The following PLEKHG1 variants were observed in gnomAD, a reference collection of about 807,000 sequenced individuals.
PLEKHG1 encodes the protein pleckstrin homology domain-containing family G member 1.
A neutral mutation model predicts 100.8 loss-of-function variants in PLEKHG1; 44 were observed. The ratio of observed to expected loss-of-function variants is 0.44; its 90% CI spans 0.34 to 0.56. The LOEUF is 0.56. Among genes scored for constraint, PLEKHG1 ranks in the 20% least tolerant of loss-of-function variants. The pLI, the probability that PLEKHG1 is intolerant of heterozygous loss-of-function variation, is 0.01. For missense variants in PLEKHG1, 1,545 were observed against 1,720.9 expected (o/e 0.90, Z 1.81); for synonymous variants, 640 against 662.5 (o/e 0.97, Z 0.52).
intron 1 of PLEKHG1, among the ~76,000 whole-genome samples, chr6:150,618,017 C>T (rs1777141452): frequency 6.6e-6 from 1 of 152,180 alleles, no homozygotes; most frequent in African/African-American, 2.4e-5. Context: ...ATTACATATA[C>T]ACACATATAC....
chr6:150,637,338 T>C (rs1778046324), intron 1 of PLEKHG1, among the ~76,000 whole-genome samples: 2 of 152,022 alleles, frequency 1.3e-5, no homozygotes, highest in Non-Finnish European at 2.9e-5. Context: ...ATTTCTCTGC[T>C]TTGGGGTTAT....
exon 10 of PLEKHG1, chr6:150,809,709 A>G (rs1787373026): frequency 1.2e-6 from 2 of 1,613,950 alleles, no homozygotes; most frequent in Non-Finnish European, 8.5e-7. Context: ...ATTCTGGAGA[A>G]CCATGCAGCC....
intron 15 of PLEKHG1, among the ~76,000 whole-genome samples, chr6:150,836,611 G>A (rs1583225231): frequency 2.0e-5 from 3 of 151,494 alleles, no homozygotes; most frequent in Non-Finnish European, 2.9e-5. Context: ...GAGCTCAGGA[G>A]TTTGTGACCA....
chr6:150,765,113 C>T (rs964210347), intron 2 of PLEKHG1, among the ~76,000 whole-genome samples: 7 of 152,188 alleles, frequency 4.6e-5, no homozygotes, highest in South Asian at 2.1e-4. Context: ...GGCATCCCAA[C>T]GTAATACATG....
chr6:150,819,795 A>C, intron 12 of PLEKHG1, 21 bp downstream of exon 13: 1 of 1,359,722 alleles, frequency 7.4e-7, no homozygotes, highest in Non-Finnish European at 1.1e-6. Context: ...TGTTGTCATA[A>C]AAATTTAATT....
chr6:150,704,658 G>A (rs1017859169), intron 3 of PLEKHG1, among the ~76,000 whole-genome samples: 1 of 152,252 alleles, frequency 6.6e-6, no homozygotes. Flanking sequence ...TTGTGCTCTT[G>A]GGCAGGGCCC....
intron 7 of PLEKHG1, among the ~76,000 whole-genome samples, chr6:150,806,053 G>A (rs1001648374): frequency 6.6e-6 from 1 of 152,046 alleles, no homozygotes; most frequent in Non-Finnish European, 1.5e-5. Context: ...AGCCCAAAGT[G>A]ACTCCACACT....
intron 3 of PLEKHG1, among the ~76,000 whole-genome samples, chr6:150,782,589 C>T (rs923287562): frequency 1.3e-5 from 2 of 152,046 alleles, no homozygotes; most frequent in Non-Finnish European, 2.9e-5. Context: ...TATCTGTGTG[C>T]GACTGGATTT....
At chr6:150,622,741 C>T (rs1367565235) in intron 1 of PLEKHG1, among the ~76,000 whole-genome samples, 2 of 152,308 alleles carry the variant, frequency 1.3e-5, no homozygotes, top group East Asian at 1.9e-4. Context: ...AGGTTCATTT[C>T]GTTGTGTTGA....
chr6:150,729,208 C>CCGT (rs1251772133), intron 1 of PLEKHG1, among the ~76,000 whole-genome samples: 1 of 152,180 alleles, frequency 6.6e-6, no homozygotes, highest in Non-Finnish European at 1.5e-5. Context: ...CAGGCACAGG[C>CCGT]CGTCACACCT....
At chr6:150,780,799 G>A (rs770630052) in intron 3 of PLEKHG1, among the ~76,000 whole-genome samples, 1 of 152,092 alleles carries the variant, frequency 6.6e-6, no homozygotes, top group Non-Finnish European at 1.5e-5. Context: ...TTCATTTGAT[G>A]AATCCAATTT....
At chr6:150,840,678 A>G (rs766393833) in exon 16 of PLEKHG1, 7 of 1,614,180 alleles carry the variant, frequency 4.3e-6, no homozygotes, top group Non-Finnish European at 8.5e-7. Context: ...CTTTTCTGAT[A>G]ATGTCTGCAG....
exon 7 of PLEKHG1, chr6:150,804,713 G>A (rs934490451): frequency 1.9e-5 from 31 of 1,613,624 alleles, no homozygotes; most frequent in Non-Finnish European, 2.5e-5. Context: ...GACATGAAGC[G>A]GAAACACGAG....
At chr6:150,813,304 CAA>C (rs36106888) in intron 10 of PLEKHG1, among the ~76,000 whole-genome samples, 3 of 122,392 alleles carry the variant, frequency 2.5e-5, no homozygotes, top group Non-Finnish European at 1.7e-5. Context: ...GACTCTGTCT[CAA>C]AAAAAAAAAA....
chr6:150,813,466 T>C (rs1189664123), intron 10 of PLEKHG1, among the ~76,000 whole-genome samples: 1 of 149,804 alleles, frequency 6.7e-6, no homozygotes, highest in Non-Finnish European at 1.5e-5. Context: ...AACCGTGGTG[T>C]GTGTGGGTTC....
intron 10 of PLEKHG1, among the ~76,000 whole-genome samples, chr6:150,812,216 G>A (rs373359437): frequency 3.3e-5 from 5 of 152,110 alleles, no homozygotes; most frequent in African/African-American, 1.2e-4. Context: ...TTCAGGTCTT[G>A]GAAGCTAAGG....
chr6:150,633,428 T>A (rs925120173), intron 1 of PLEKHG1: 3 of 152,854 alleles, frequency 2.0e-5, no homozygotes, highest in Non-Finnish European at 4.4e-5. Context: ...GGCCTGTGCA[T>A]CCTGAGACTT....
At chr6:150,617,760 G>A (rs2128555774) in intron 1 of PLEKHG1, among the ~76,000 whole-genome samples, 2 of 152,300 alleles carry the variant, frequency 1.3e-5, no homozygotes, top group South Asian at 4.2e-4. Context: ...AAATGCAGAG[G>A]ATTTCCTTCC....
chr6:150,773,065 GT>G (rs145219543), intron 3 of PLEKHG1, among the ~76,000 whole-genome samples: 2,429 of 152,166 alleles, frequency 0.016, 26 homozygotes, highest in Middle Eastern at 0.044. Flanking sequence ...TTTGTGTTGT[GT>G]TTTTTTAAAA....
Sources: gnomAD v4.1 joint callset for allele counts (sites outside exome capture counted in the v4.1 genomes callset) on GRCh38, gnomAD v4.1.1 for gene constraint, MANE v1.5 for transcripts, NCBI Gene and HGNC (gene_info 2026-07-23, HGNC 2026-07-21) for gene names.